Variants in DIAPH3 observed in about 807,000 individuals in gnomAD.
DIAPH3 encodes the protein diaphanous related formin 3.
Under a neutral mutation model 144.3 loss-of-function variants are expected in DIAPH3, and 117 were observed. The ratio of observed to expected loss-of-function variants is 0.81; its 90% CI spans 0.70 to 0.95. The LOEUF (loss-of-function observed/expected upper bound fraction) is 0.95, where lower values mean the gene tolerates loss of function less well. DIAPH3 is among the 40% of genes least tolerant of loss of function. The probability of loss-of-function intolerance (pLI) is 0.00; values close to 1 mark genes in which losing one functional copy is unlikely to be tolerated. For missense variants in DIAPH3, 1,421 were observed against 1,412.7 expected (o/e 1.01, Z -0.09); for synonymous variants, 519 against 488.9 (o/e 1.06, Z -0.81).
intron 27 of DIAPH3, among the ~76,000 whole-genome samples, chr13:59,685,978 A>G (rs1378095059): frequency 6.6e-6 from 1 of 152,144 alleles, no homozygotes; most frequent in Non-Finnish European, 1.5e-5. Flanking sequence ...TTAACATTGC[A>G]GTAGTTAAAA....
chr13:59,795,076 C>G (rs2039521577), intron 25 of DIAPH3, among the ~76,000 whole-genome samples: 1 of 152,230 alleles, frequency 6.6e-6, no homozygotes, highest in Non-Finnish European at 1.5e-5. Flanking sequence ...TCTCCTCACT[C>G]TGTGTGGGCT....
chr13:59,965,462 A>G (rs2049994507), intron 17 of DIAPH3, among the ~76,000 whole-genome samples: 2 of 151,852 alleles, frequency 1.3e-5, no homozygotes, highest in Admixed American at 6.6e-5. Flanking sequence ...CAAATCCAAC[A>G]CCAATAACCT....
Position 59,969,955 on chromosome 13 carries a change from C to T in DIAPH3, c.2063G>A (p.Cys688Tyr), listed in dbSNP as rs767049279. The T allele has an allele frequency of 6.3e-7, 1 of 1,598,684 alleles. No homozygotes were observed. ...GATGTTAAACTTACCTTTTTGTTGG[C>T]AACAAAATGTATTCTCAAGTTTACA... ...LLCKLENTFC[C>Y]QQKERREEED... The change falls in exon 17 of 28, where the codon TGC becomes TAC. Residue 688 changes from cysteine (C) to tyrosine (Y), a missense_variant. Coordinates refer to ENST00000400324, the MANE Select transcript of DIAPH3 (RefSeq NM_001042517.2).
At chr13:60,084,843 G>A (rs1320721065) in intron 4 of DIAPH3, among the ~76,000 whole-genome samples, 1 of 152,068 alleles carries the variant, frequency 6.6e-6, no homozygotes, top group East Asian at 1.9e-4. Flanking sequence ...TGAGGGTTGT[G>A]GGGGAAACCA....
intron 27 of DIAPH3, among the ~76,000 whole-genome samples, chr13:59,758,721 C>T (rs1391451114): frequency 2.0e-5 from 3 of 150,700 alleles, no homozygotes; most frequent in African/African-American, 7.3e-5. Flanking sequence ...CAATGCAATA[C>T]ACAATGCCAA....
intron 20 of DIAPH3, among the ~76,000 whole-genome samples, chr13:59,892,326 G>C (rs1179913593): frequency 6.6e-6 from 1 of 151,694 alleles, no homozygotes; most frequent in Non-Finnish European, 1.5e-5. Flanking sequence ...AAAGGACAAG[G>C]GTAGTAAAAG....
chr13:59,734,379 A>C (rs2036034381), intron 27 of DIAPH3, among the ~76,000 whole-genome samples: 1 of 152,232 alleles, frequency 6.6e-6, no homozygotes, highest in South Asian at 2.1e-4. Context: ...TATGAAAAAT[A>C]AAAGCTTATT....
At chr13:60,069,416 T>A (rs2057110115) in intron 4 of DIAPH3, among the ~76,000 whole-genome samples, 1 of 152,292 alleles carries the variant, frequency 6.6e-6, no homozygotes, top group South Asian at 2.1e-4. Context: ...TTTTCTCTCA[T>A]TCTGTAGGTT....
At chr13:59,989,324 T>G (rs1294223224) in intron 12 of DIAPH3, among the ~76,000 whole-genome samples, 1 of 151,858 alleles carries the variant, frequency 6.6e-6, no homozygotes, top group Non-Finnish European at 1.5e-5. Flanking sequence ...ATATGTAAAT[T>G]ATCACAATTC....
At chr13:59,740,449 G>C (rs2036389615) in intron 27 of DIAPH3, among the ~76,000 whole-genome samples, 1 of 152,188 alleles carries the variant, frequency 6.6e-6, no homozygotes, top group African/African-American at 2.4e-5. Flanking sequence ...TGCTCAGTAA[G>C]TGATGTCTGA....
At chr13:60,023,613 T>C (rs2054172684) in intron 5 of DIAPH3, among the ~76,000 whole-genome samples, 1 of 151,696 alleles carries the variant, frequency 6.6e-6, no homozygotes, top group Non-Finnish European at 1.5e-5. Context: ...TTTGTATTTT[T>C]AGTAGAGACA....
chr13:59,667,018 G>C (rs1566164324), intron 27 of DIAPH3, among the ~76,000 whole-genome samples, 172 bp from the exon 28 acceptor site: 1 of 152,140 alleles, frequency 6.6e-6, no homozygotes, highest in Admixed American at 6.6e-5. Context: ...TCACACAGGG[G>C]TTTAAGAATA....
At chr13:60,146,318 T>C (rs1342973213) in intron 1 of DIAPH3, among the ~76,000 whole-genome samples, 1 of 152,190 alleles carries the variant, frequency 6.6e-6, no homozygotes, top group Non-Finnish European at 1.5e-5. Context: ...TGAAGAAGTT[T>C]ACAATCCAAT....
chr13:59,669,624 C>G (rs538079289), intron 27 of DIAPH3, among the ~76,000 whole-genome samples: 1 of 152,144 alleles, frequency 6.6e-6, no homozygotes, highest in Non-Finnish European at 1.5e-5. Flanking sequence ...GGACATCCCT[C>G]TGGCTGCTTT....
intron 4 of DIAPH3, among the ~76,000 whole-genome samples, chr13:60,050,272 G>A (rs1178160522): frequency 2.6e-5 from 4 of 152,160 alleles, no homozygotes; most frequent in African/African-American, 9.7e-5. Flanking sequence ...TGGGAAAGCT[G>A]AGAAAAAGAA....
intron 21 of DIAPH3, among the ~76,000 whole-genome samples, chr13:59,864,795 T>C (rs1430527291): frequency 6.6e-6 from 1 of 151,984 alleles, no homozygotes; most frequent in Admixed American, 6.6e-5. Context: ...GGTTGTCTTG[T>C]TGAAAACATC....
At chr13:60,040,927 C>T (rs2055617387) in intron 5 of DIAPH3, among the ~76,000 whole-genome samples, 1 of 152,130 alleles carries the variant, frequency 6.6e-6, no homozygotes, top group Admixed American at 6.6e-5. Context: ...GATTCTCCTG[C>T]CTCAGCCTCC....
intron 25 of DIAPH3, among the ~76,000 whole-genome samples, chr13:59,797,209 A>C (rs1001016804): frequency 1.3e-5 from 2 of 152,008 alleles, no homozygotes; most frequent in African/African-American, 4.8e-5. Flanking sequence ...TTCTCCTTAT[A>C]AGTTGTGGAC....
intron 27 of DIAPH3, among the ~76,000 whole-genome samples, chr13:59,703,313 A>G (rs1030697240): frequency 2.0e-5 from 3 of 152,388 alleles, no homozygotes; most frequent in African/African-American, 7.2e-5. Flanking sequence ...TATATTGGGT[A>G]AAATAAATTA....
Sources: gnomAD v4.1 joint callset for allele counts (sites outside exome capture counted in the v4.1 genomes callset) on GRCh38, gnomAD v4.1.1 for gene constraint, MANE v1.5 for transcripts, NCBI Gene and HGNC (gene_info 2026-07-23, HGNC 2026-07-21) for gene names.